USH2A: variants seen among roughly 807,000 people sequenced by gnomAD.
USH2A encodes the protein Usher syndrome 2A (autosomal recessive, mild).
Under a neutral mutation model 538.9 loss-of-function variants are expected in USH2A, and 443 were observed. The ratio of observed to expected loss-of-function variants is 0.82; its 90% CI spans 0.76 to 0.89. The LOEUF (loss-of-function observed/expected upper bound fraction) is 0.89, where lower values mean the gene tolerates loss of function less well. Ranked by LOEUF, USH2A falls within the 40% of genes least tolerant of loss-of-function variation. The pLI, the probability that USH2A is intolerant of heterozygous loss-of-function variation, is 0.00. For synonymous variants in USH2A, 2,413 were observed against 2,273.5 expected, an observed-to-expected ratio of 1.06 and a Z score of -1.75; for missense variants, 6,633 against 6,324.8, an observed-to-expected ratio of 1.05 and a Z score of -1.65.
intron 14 of USH2A, among the ~76,000 whole-genome samples, chr1:216,224,153 T>G (rs1462356369): frequency 6.6e-6 from 1 of 152,094 alleles, no homozygotes; most frequent in Non-Finnish European, 1.5e-5. Context: ...AAGAAACTTT[T>G]GGGGGTTGTG....
At chr1:215,945,904 A>G (rs1001407063) in intron 37 of USH2A, among the ~76,000 whole-genome samples, 3 of 152,236 alleles carry the variant, frequency 2.0e-5, no homozygotes, top group African/African-American at 7.2e-5. Context: ...CTGATTTATG[A>G]GAACAAAATA....
Position 216,084,738 on chromosome 1 carries a change from A to G in USH2A, c.5127T>C (p.Cys1709=). 1 of 1,613,418 alleles carries G rather than the reference A, an allele frequency of 6.2e-7. No homozygotes were observed. Among genetic ancestry groups the G allele is most frequent in the Non-Finnish European group, 8.5e-7 (1 of 1,179,632 alleles). ...GAGCTCCCTCATTTAATGAAGCGGG[A>G]CATCCCTCCCAGCTGTTATACACGT... ...QINVYNSWEG[C]PASLNEGAQF... Residue 1709 remains cysteine (C), a synonymous_variant, in exon 25 of 72, where the codon TGT becomes TGC. Transcript: ENST00000307340.
In USH2A at chr1:215,675,206, C is replaced by T. The variant is rs1382672697; in HGVS notation, c.12705G>A (p.Gln4235=). Residue 4235 remains glutamine (Q), a synonymous_variant, in exon 63 of 72, where the codon CAG becomes CAA. Coordinates refer to ENST00000307340, the MANE Select transcript of USH2A (RefSeq NM_206933.4). ...TCCAAGTGTAGATTTTATATTCACA[C>T]TGCGTCCATGGTTGCAAACCTGTGT... ...YNDTGLQPWT[Q]CEYKIYTWNS... is the part of the protein sequence containing the mutation. 2 of 1,614,120 alleles carry T rather than the reference C, an allele frequency of 1.2e-6. No individual in the cohort carries two copies. The highest frequency in any genetic ancestry group is 1.1e-5 in the South Asian group (1 of 91,084).
rs1376247064 is a variant in USH2A at position 215,624,641 on chromosome 1, A to G, written c.*1140T>C. On this transcript the variant is annotated 3_prime_UTR_variant, in exon 72 of 72. Transcript: ENST00000307340. ...ACTTTCACCAATGACTTTGTAATCCAACTAGAGCAGGTGACAGACATTTTT... is the reference window on the plus strand; with the variant it reads ...ACTTTCACCAATGACTTTGTAATCCGACTAGAGCAGGTGACAGACATTTTT... 2 of 152,298 alleles carry G rather than the reference A, an allele frequency of 1.3e-5. No individual in the cohort carries two copies. Among genetic ancestry groups the G allele is most frequent in the East Asian group, 3.9e-4 (2 of 5,186 alleles). The allele number at this position is 152,298 out of a possible 1,614,324, so 9.4% of individuals were successfully genotyped here. A position where few individuals can be genotyped will look rare whatever the true frequency, so the allele number is the denominator to read the frequency against.
intron 21 of USH2A, among the ~76,000 whole-genome samples, chr1:216,146,704 G>T (rs1417934775): frequency 6.6e-6 from 1 of 151,638 alleles, no homozygotes; most frequent in Admixed American, 6.6e-5. Context: ...TTATTTCCGT[G>T]TCCCAACCCC....
intron 21 of USH2A, among the ~76,000 whole-genome samples, chr1:216,106,288 A>G (rs2032730203): frequency 7.2e-6 from 1 of 138,954 alleles, no homozygotes; most frequent in Non-Finnish European, 1.5e-5. Flanking sequence ...GCTGTAGAAT[A>G]TTTGTAGTGT....
chr1:215,672,382 C>G (rs558980144), intron 63 of USH2A, among the ~76,000 whole-genome samples: 1 of 152,216 alleles, frequency 6.6e-6, no homozygotes, highest in African/African-American at 2.4e-5. Flanking sequence ...CTTAATTACA[C>G]CTTTTTCCCT....
chr1:216,109,990 A>T (rs1410624383), intron 21 of USH2A, among the ~76,000 whole-genome samples: 1 of 152,156 alleles, frequency 6.6e-6, no homozygotes. Context: ...GTATTTTCCA[A>T]ATGTACCCTT....
At chr1:216,015,310 C>T (rs1668681343) in intron 32 of USH2A, among the ~76,000 whole-genome samples, 2 of 152,182 alleles carry the variant, frequency 1.3e-5, no homozygotes, top group East Asian at 1.9e-4. Flanking sequence ...CGCCAGAATG[C>T]ATGTGGAATA....
At chr1:215,920,931 G>C (rs1267824217) in intron 38 of USH2A, among the ~76,000 whole-genome samples, 1 of 151,866 alleles carries the variant, frequency 6.6e-6, no homozygotes, top group Non-Finnish European at 1.5e-5. Flanking sequence ...TACTCATACT[G>C]TTCACATGGC....
chr1:215,688,377 C>T (rs1034522326), intron 61 of USH2A, among the ~76,000 whole-genome samples: 10 of 152,040 alleles, frequency 6.6e-5, no homozygotes, highest in African/African-American at 2.4e-4. Flanking sequence ...AGTCTGATTC[C>T]AATTTCAGTG....
rs149117745 is a variant in USH2A at position 216,415,760 on chromosome 1, G to A, written c.651+2754C>T. On this transcript the variant is annotated intron_variant, in intron 3 of 71. Coordinates refer to ENST00000307340, the MANE Select transcript of USH2A (RefSeq NM_206933.4). ...CAGGCTGGCCTCGAACTCCTGGTTC[G>A]AGCTATCCGTTCACTTCTACCTCCC... Among the ~76,000 whole-genome samples the A allele has an allele frequency of 5.9e-3, 902 of 151,842 alleles. 15 individuals are homozygous for A. Among genetic ancestry groups the A allele is most frequent in the African/African-American group, 0.021 (859 of 41,440 alleles).
At position 215,813,893 on chromosome 1, in the gene USH2A, G is replaced by A. The variant is rs764892257; in HGVS notation, c.9582C>T (p.Asn3194=). 32 of 1,613,500 alleles carry A rather than the reference G, an allele frequency of 2.0e-5. No homozygotes were observed. The highest frequency in any genetic ancestry group is 1.5e-4 in the Admixed American group (9 of 59,956). The part of the protein sequence containing the change: ...CYSSEAKVCC[N]GVLYNPKPGH... ...CAGGCTTGGGGTTATAGAGCACTCC[G>A]TTACAACAAACCTGAAAGTTTGAAA... The change falls in exon 49 of 72, where the codon AAC becomes AAT. Residue 3194 remains asparagine, a synonymous_variant. Transcript: ENST00000307340.
chr1:215,797,088 CTT>C (rs1175885426), intron 50 of USH2A, among the ~76,000 whole-genome samples: 1 of 152,148 alleles, frequency 6.6e-6, no homozygotes, highest in East Asian at 1.9e-4. Context: ...TATGAAGACA[CTT>C]TGAGTGGTCT....
At chr1:216,095,930 C>T (rs2032431569) in intron 22 of USH2A, among the ~76,000 whole-genome samples, 1 of 152,130 alleles carries the variant, frequency 6.6e-6, no homozygotes, top group South Asian at 2.1e-4. Context: ...AAATGTAAAA[C>T]ATTTATTTGT....
At chr1:215,779,310 G>A (rs919156304) in intron 55 of USH2A, among the ~76,000 whole-genome samples, 3 of 151,888 alleles carry the variant, frequency 2.0e-5, no homozygotes, top group Non-Finnish European at 4.4e-5. Flanking sequence ...TGTACTAATA[G>A]TATATTATTA....
chr1:216,301,289 C>G (rs1190727103), intron 9 of USH2A, among the ~76,000 whole-genome samples: 2 of 152,160 alleles, frequency 1.3e-5, no homozygotes, highest in Non-Finnish European at 1.5e-5. Context: ...AATTTCCCTT[C>G]AAGGTCCTGA....
chr1:216,022,302 G>A (rs547998281), intron 32 of USH2A, among the ~76,000 whole-genome samples: 9 of 152,280 alleles, frequency 5.9e-5, no homozygotes, highest in Middle Eastern at 6.8e-3. Flanking sequence ...CATTCTTGGC[G>A]TGGGGTTGTG....
intron 35 of USH2A, among the ~76,000 whole-genome samples, chr1:215,986,270 C>G (rs897735964): frequency 6.6e-6 from 1 of 151,730 alleles, no homozygotes; most frequent in Non-Finnish European, 1.5e-5. Flanking sequence ...CAGGCACACA[C>G]TACCACGCCT....
Sources: gnomAD v4.1 joint callset for allele counts (sites outside exome capture counted in the v4.1 genomes callset) on GRCh38, gnomAD v4.1.1 for gene constraint, MANE v1.5 for transcripts, NCBI Gene and HGNC (gene_info 2026-07-23, HGNC 2026-07-21) for gene names.